The following ARSG variants were observed in gnomAD, a reference collection of about 807,000 sequenced individuals.
ARSG encodes arylsulfatase G, also known as ASG.
A neutral mutation model predicts 50.5 loss-of-function variants in ARSG; 37 were observed. The ratio of observed to expected loss-of-function variants is 0.73; its 90% CI spans 0.56 to 0.96. ARSG has a LOEUF of 0.96. Ranked by LOEUF, ARSG falls within the 50% of genes least tolerant of loss-of-function variation. ARSG has a pLI of 0.00. For missense variants in ARSG, 629 were observed against 675.3 expected (o/e 0.93, Z 0.76); for synonymous variants, 225 against 254.6 (o/e 0.88, Z 1.11).
intron 2 of ARSG, among the ~76,000 whole-genome samples, chr17:68,329,701 A>G (rs531000551): frequency 5.0e-4 from 76 of 152,364 alleles, no homozygotes; most frequent in Middle Eastern, 3.4e-3. Flanking sequence ...GTTTCCAGCC[A>G]GGGACTAATC....
chr17:68,293,422 G>C (rs2076090548), intron 1 of ARSG, among the ~76,000 whole-genome samples: 1 of 152,054 alleles, frequency 6.6e-6, no homozygotes, highest in Non-Finnish European at 1.5e-5. Context: ...CCTCAGGAGT[G>C]AATGAATGAT....
At chr17:68,433,453 C>T in the ARSG span, 1 of 1,611,072 alleles carries the variant, frequency 6.2e-7, no homozygotes, top group Non-Finnish European at 8.5e-7. Flanking sequence ...ATTTGGTGCC[C>T]CGCGGAGTAC....
At chr17:68,337,272 A>C (rs2078065959) in intron 2 of ARSG, among the ~76,000 whole-genome samples, 1 of 152,166 alleles carries the variant, frequency 6.6e-6, no homozygotes, top group Admixed American at 6.5e-5. Flanking sequence ...CCCCACATGA[A>C]GTCTGAACTG....
chr17:68,358,038 A>G lies in ARSG; in HGVS notation c.704+1234A>G, dbSNP rs145421356. Reference sequence around the variant, plus strand: ...GGCAACATGGTGAAACTCTGTCGCTACAAGCAATACAAAAATTAGCTGGGC... The same window carrying G: ...GGCAACATGGTGAAACTCTGTCGCTGCAAGCAATACAAAAATTAGCTGGGC... On this transcript the variant is annotated intron_variant, in intron 6 of 11. Transcript: ENST00000621439. Among the ~76,000 whole-genome samples, 398 of 151,880 alleles carry G rather than the reference A, an allele frequency of 2.6e-3. 3 individuals are homozygous for G. The highest frequency in any genetic ancestry group is 4.7e-3 in the Non-Finnish European group (318 of 67,928).
chr17:68,278,144 G>A (rs1555751595), intron 1 of ARSG: 2 of 1,614,060 alleles, frequency 1.2e-6, no homozygotes, highest in Non-Finnish European at 1.7e-6. Context: ...TCCTGCTATT[G>A]GATTCATTAA....
intron 2 of ARSG, among the ~76,000 whole-genome samples, chr17:68,308,672 G>GC (rs1392416556): frequency 6.6e-6 from 1 of 152,110 alleles, no homozygotes; most frequent in Non-Finnish European, 1.5e-5. Context: ...CTCTTATCTG[G>GC]CCCCACCCAC....
intron 1 of ARSG, among the ~76,000 whole-genome samples, chr17:68,270,537 G>C (rs2075304130): frequency 6.7e-6 from 1 of 148,630 alleles, no homozygotes. Context: ...CTGGGTGATA[G>C]AGCGAGACTC....
chr17:68,411,087 C>T (rs1291446876), intron 11 of ARSG, among the ~76,000 whole-genome samples: 2 of 152,066 alleles, frequency 1.3e-5, no homozygotes, highest in Non-Finnish European at 1.5e-5. Flanking sequence ...CCTGGATTCA[C>T]TGATTTTTTG....
chr17:68,325,161 A>T (rs2077452743), intron 2 of ARSG, among the ~76,000 whole-genome samples: 1 of 152,092 alleles, frequency 6.6e-6, no homozygotes, highest in African/African-American at 2.4e-5. Context: ...GCCACTCCTC[A>T]TCGCTTGCAT....
intron 8 of ARSG, among the ~76,000 whole-genome samples, chr17:68,383,668 C>T (rs946796031): frequency 2.0e-5 from 3 of 152,206 alleles, no homozygotes; most frequent in Non-Finnish European, 2.9e-5. Context: ...CATTCCAAAG[C>T]CACGTGGAAA....
At chr17:68,388,547 C>T (rs932558581) in intron 9 of ARSG, among the ~76,000 whole-genome samples, 2 of 152,146 alleles carry the variant, frequency 1.3e-5, no homozygotes, top group Admixed American at 6.5e-5. Flanking sequence ...ACCTCTGCTC[C>T]GAATGAGGAT....
intron 10 of ARSG, among the ~76,000 whole-genome samples, chr17:68,398,053 C>A (rs2081321334): frequency 6.6e-6 from 1 of 152,190 alleles, no homozygotes; most frequent in South Asian, 2.1e-4. Flanking sequence ...AGGCGTGAGC[C>A]ACTGTGCCTG....
chr17:68,339,306 A>T (rs1459669866), intron 2 of ARSG, among the ~76,000 whole-genome samples: 2 of 152,128 alleles, frequency 1.3e-5, no homozygotes, highest in African/African-American at 2.4e-5. Flanking sequence ...TCAAAAAGAG[A>T]AAAATAAATA....
chr17:68,426,979 G>C (rs1292716140), downstream of ARSG, among the ~76,000 whole-genome samples: 1 of 152,118 alleles, frequency 6.6e-6, no homozygotes, highest in East Asian at 1.9e-4. Flanking sequence ...AATTCAAGGA[G>C]AGCACTCCAC....
chr17:68,426,195 C>T, downstream of ARSG: 1 of 1,575,110 alleles, frequency 6.3e-7, no homozygotes, highest in Non-Finnish European at 8.6e-7. Context: ...AAGAAAGAGA[C>T]ATGAAACAAG....
intron 2 of ARSG, among the ~76,000 whole-genome samples, chr17:68,331,008 A>G (rs2077715539): frequency 7.0e-6 from 1 of 141,930 alleles, no homozygotes; most frequent in African/African-American, 2.7e-5. Flanking sequence ...GGGCGGGGAC[A>G]GAGTGTTACT....
downstream of ARSG, chr17:68,421,374 C>A (rs2082759559): frequency 5.9e-6 from 1 of 170,362 alleles, no homozygotes; most frequent in African/African-American, 2.4e-5. Context: ...CTTTGCCTGG[C>A]TAAAAGAGTC....
intron 10 of ARSG, among the ~76,000 whole-genome samples, chr17:68,396,392 C>A (rs1232709123): frequency 6.6e-6 from 1 of 152,168 alleles, no homozygotes; most frequent in Non-Finnish European, 1.5e-5. Context: ...TCCTCAATGT[C>A]CCCTGTTTGC....
At position 68,343,317 on chromosome 17, in the gene ARSG, A is replaced by G. The variant is rs953247337; in HGVS notation, c.219-287A>G. ...GACTACAGGCGCACGCCACTGCACCAAGCTAATTTTTATATTTTTAGTAGA... is the reference window on the plus strand; with the variant it reads ...GACTACAGGCGCACGCCACTGCACCGAGCTAATTTTTATATTTTTAGTAGA... On this transcript the variant is annotated intron_variant, in intron 2 of 11. Coordinates refer to ENST00000621439, the MANE Select transcript of ARSG (RefSeq NM_001267727.2). Among the ~76,000 whole-genome samples, 4 of 152,108 alleles carry G rather than the reference A, an allele frequency of 2.6e-5. No individual in the cohort carries two copies. In the South Asian group the frequency reaches 6.2e-4, roughly 24 times the overall value.
Sources: gnomAD v4.1 joint callset for allele counts (sites outside exome capture counted in the v4.1 genomes callset) on GRCh38, gnomAD v4.1.1 for gene constraint, MANE v1.5 for transcripts, NCBI Gene and HGNC (gene_info 2026-07-23, HGNC 2026-07-21) for gene names.